The following CNTLN variants were observed in gnomAD, a reference collection of about 807,000 sequenced individuals.
CNTLN encodes centlein, also known as centlein, centrosomal protein.
Under a neutral mutation model 180.0 loss-of-function variants are expected in CNTLN, and 212 were observed. The ratio of observed to expected loss-of-function variants is 1.18; its 90% CI spans 1.05 to 1.32. The LOEUF is 1.32. Among genes scored for constraint, CNTLN ranks in the 40% most tolerant of loss-of-function variants. CNTLN has a pLI of 0.00. For synonymous variants in CNTLN, 722 were observed against 563.1 expected, an observed-to-expected ratio of 1.28 and a Z score of -3.99; for missense variants, 2,095 against 1,610.9, an observed-to-expected ratio of 1.30 and a Z score of -5.14.
intron 25 of CNTLN, among the ~76,000 whole-genome samples, chr9:17,495,191 G>A (rs914490078): frequency 3.3e-5 from 5 of 151,768 alleles, no homozygotes; most frequent in African/African-American, 7.3e-5. Flanking sequence ...ACTATGCTAC[G>A]CATTTTATCA....
In CNTLN at chr9:17,356,063, C is replaced by CAA. The variant is rs71492915; in HGVS notation, c.1887-10537_1887-10536dup. 2.9e-3 allele frequency among the ~76,000 whole-genome samples: 56 copies of CAA among 19,580 alleles called. 1 individual carries two copies. In the East Asian group the frequency reaches 0.063, roughly 22 times the overall value. The allele number at this position is 19,580 out of a possible 152,430, so 12.8% of individuals were successfully genotyped here. The stretch of plus-strand genomic sequence containing the variant: ...TGGGCAACAAAGCGAGACTCCATCT[C>CAA]AAAAAAAAAAAAAAAAAAGAAAAAG... On this transcript the variant is annotated intron_variant, in intron 12 of 25. Coordinates refer to ENST00000380647, the MANE Select transcript of CNTLN (RefSeq NM_017738.4).
intron 25 of CNTLN, among the ~76,000 whole-genome samples, chr9:17,487,956 T>A (rs938595217): frequency 6.6e-6 from 1 of 152,110 alleles, no homozygotes; most frequent in Non-Finnish European, 1.5e-5. Context: ...CTTAACCTAA[T>A]TTTTTATTTT....
chr9:17,198,425 AATCAGTGTTCTATAG>A (rs1822280469), intron 2 of CNTLN, among the ~76,000 whole-genome samples: 1 of 90,756 alleles, frequency 1.1e-5, no homozygotes. Flanking sequence ...CAGTTTCTTT[AATCAGTGTTCTATAG>A]TTTTCATTGT....
At chr9:17,402,146 C>T (rs1271999066) in intron 15 of CNTLN, among the ~76,000 whole-genome samples, 2 of 151,766 alleles carry the variant, frequency 1.3e-5, no homozygotes, top group Non-Finnish European at 2.9e-5. Context: ...CTGTTGACAA[C>T]TGTTCTCTAT....
intron 2 of CNTLN, among the ~76,000 whole-genome samples, chr9:17,213,608 T>C (rs140752394): frequency 0.026 from 3,968 of 152,148 alleles, 176 homozygotes; most frequent in African/African-American, 0.09. Context: ...TCCTGGATAT[T>C]TTTGTTAACT....
chr9:17,420,347 G>T (rs1405740680), intron 18 of CNTLN, among the ~76,000 whole-genome samples: 3 of 152,036 alleles, frequency 2.0e-5, no homozygotes, highest in Non-Finnish European at 4.4e-5. Flanking sequence ...CCAGATTATT[G>T]GCATATAGTT....
chr9:17,342,724 C>T (rs1356627476), intron 12 of CNTLN, among the ~76,000 whole-genome samples: 1 of 152,142 alleles, frequency 6.6e-6, no homozygotes, highest in East Asian at 1.9e-4. Context: ...CTTCATTAGC[C>T]TGTATTTTAG....
At chr9:17,443,421 T>C (rs976765631) in intron 18 of CNTLN, among the ~76,000 whole-genome samples, 3 of 152,280 alleles carry the variant, frequency 2.0e-5, no homozygotes, top group Non-Finnish European at 2.9e-5. Context: ...GTGTGGTATC[T>C]AGGAAGGGAA....
At chr9:17,347,673 C>CAAAA (rs369056271) in intron 12 of CNTLN, among the ~76,000 whole-genome samples, 6 of 129,880 alleles carry the variant, frequency 4.6e-5, no homozygotes, top group Admixed American at 1.6e-4. Context: ...ACTCTTGTCT[C>CAAAA]AAAAAAAAAA....
chr9:17,374,790 T>C (rs943536763), intron 13 of CNTLN, among the ~76,000 whole-genome samples: 3 of 151,552 alleles, frequency 2.0e-5, no homozygotes, highest in Admixed American at 6.6e-5. Context: ...GAACCAGGAG[T>C]TGGAGGTTTC....
chr9:17,170,264 A>G (rs1820340399), intron 2 of CNTLN, among the ~76,000 whole-genome samples: 1 of 152,140 alleles, frequency 6.6e-6, no homozygotes, highest in Admixed American at 6.5e-5. Context: ...TTTGTTTACT[A>G]GTTTCTAACA....
At chr9:17,168,894 G>A (rs1046517544) in intron 2 of CNTLN, among the ~76,000 whole-genome samples, 4 of 152,150 alleles carry the variant, frequency 2.6e-5, no homozygotes, top group African/African-American at 9.7e-5. Flanking sequence ...TAGTTTTACC[G>A]AAAGACCAGG....
At chr9:17,291,534 G>T (rs1829407397) in intron 6 of CNTLN, among the ~76,000 whole-genome samples, 1 of 152,122 alleles carries the variant, frequency 6.6e-6, no homozygotes, top group Non-Finnish European at 1.5e-5. Context: ...AGTTCACATT[G>T]AATTGAACCC....
intron 12 of CNTLN, among the ~76,000 whole-genome samples, chr9:17,363,919 A>G (rs1169568671): frequency 6.6e-6 from 1 of 152,126 alleles, no homozygotes; most frequent in African/African-American, 2.4e-5. Context: ...AAACTTTGGC[A>G]TGTGAAAGAT....
chr9:17,206,051 G>A (rs986393854), intron 2 of CNTLN, among the ~76,000 whole-genome samples: 39 of 152,272 alleles, frequency 2.6e-4, no homozygotes, highest in African/African-American at 9.1e-4. Context: ...CATCAACTGG[G>A]TAGCCACCAC....
intron 19 of CNTLN, among the ~76,000 whole-genome samples, chr9:17,458,725 C>T (rs1170741685): frequency 6.6e-6 from 1 of 151,786 alleles, no homozygotes; most frequent in Non-Finnish European, 1.5e-5. Context: ...TTAATAGTAA[C>T]CAAATATACA....
chr9:17,182,691 T>TA (rs775594066), intron 2 of CNTLN, among the ~76,000 whole-genome samples: 1 of 152,210 alleles, frequency 6.6e-6, no homozygotes, highest in Non-Finnish European at 1.5e-5. Flanking sequence ...AGGTGGCAAA[T>TA]ACCTGATCCT....
At chr9:17,162,178 G>A (rs1391828947) in intron 2 of CNTLN, among the ~76,000 whole-genome samples, 3 of 151,702 alleles carry the variant, frequency 2.0e-5, no homozygotes, top group East Asian at 1.9e-4. Context: ...GCAGTGGCGC[G>A]ATCTCAGCTC....
intron 8 of CNTLN, among the ~76,000 whole-genome samples, chr9:17,314,696 A>G (rs1819427405): frequency 6.6e-6 from 1 of 152,206 alleles, no homozygotes; most frequent in Admixed American, 6.5e-5. Flanking sequence ...CAGAATGGGT[A>G]ACTTAGCCAA....
Sources: gnomAD v4.1 joint callset for allele counts (sites outside exome capture counted in the v4.1 genomes callset) on GRCh38, gnomAD v4.1.1 for gene constraint, MANE v1.5 for transcripts, NCBI Gene and HGNC (gene_info 2026-07-23, HGNC 2026-07-21) for gene names.